The following SDK1 variants were observed in gnomAD, a reference collection of about 807,000 sequenced individuals.
The protein encoded by SDK1 is sidekick cell adhesion molecule 1.
Under a neutral mutation model 245.5 loss-of-function variants are expected in SDK1, and 157 were observed. That is an observed-to-expected ratio of 0.64 (90% CI 0.56 to 0.73). The LOEUF (loss-of-function observed/expected upper bound fraction) is 0.73. Ranked by LOEUF, SDK1 falls within the 30% of genes least tolerant of loss-of-function variation. The probability of loss-of-function intolerance (pLI) is 0.00; values close to 1 mark genes in which losing one functional copy is unlikely to be tolerated. For missense variants in SDK1, 3,583 were observed against 3,002.3 expected (o/e 1.19, Z -4.52); for synonymous variants, 1,647 against 1,278.5 (o/e 1.29, Z -6.15).
chr7:3,671,115 A>G (rs1783689342), intron 4 of SDK1, among the ~76,000 whole-genome samples: 1 of 152,090 alleles, frequency 6.6e-6, no homozygotes, highest in Admixed American at 6.6e-5. Context: ...CTTACCCCTG[A>G]GTTTTCAGCA....
intron 4 of SDK1, among the ~76,000 whole-genome samples, chr7:3,741,136 C>A (rs1236928464): frequency 6.6e-6 from 1 of 152,192 alleles, no homozygotes; most frequent in Non-Finnish European, 1.5e-5. Flanking sequence ...CTCCTGTATA[C>A]CAAGTGGATG....
intron 30 of SDK1, among the ~76,000 whole-genome samples, chr7:4,153,873 G>T (rs1490165399): frequency 2.0e-5 from 3 of 151,248 alleles, no homozygotes; most frequent in South Asian, 2.1e-4. Context: ...TAGAAATGGG[G>T]TCTCACTATG....
intron 4 of SDK1, among the ~76,000 whole-genome samples, chr7:3,649,473 G>A (rs2128655262): frequency 6.6e-6 from 1 of 151,970 alleles, no homozygotes; most frequent in South Asian, 2.1e-4. Context: ...CTGCAGGCTA[G>A]ATGACCTGCT....
At chr7:4,208,312 G>A (rs1438641663) in intron 37 of SDK1, 27 bp downstream of exon 37, 1 of 1,603,132 alleles carries the variant, frequency 6.2e-7, no homozygotes, top group Admixed American at 1.7e-5. Flanking sequence ...TTTCCTTTGG[G>A]CAGGCCTCCT....
chr7:3,607,133 A>G (rs1781450159), intron 1 of SDK1, among the ~76,000 whole-genome samples: 1 of 151,944 alleles, frequency 6.6e-6, no homozygotes, highest in African/African-American at 2.4e-5. Flanking sequence ...CACTACCTGC[A>G]CTACACAAAG....
intron 4 of SDK1, among the ~76,000 whole-genome samples, chr7:3,642,477 G>T (rs975752996): frequency 1.2e-4 from 18 of 152,116 alleles, no homozygotes; most frequent in African/African-American, 4.1e-4. Flanking sequence ...TTACAGTGCT[G>T]TGGGGTTTTT....
At chr7:4,203,605 A>G (rs530515201) in intron 35 of SDK1, among the ~76,000 whole-genome samples, 1 of 152,182 alleles carries the variant, frequency 6.6e-6, no homozygotes, top group African/African-American at 2.4e-5. Flanking sequence ...GAAAACAAAA[A>G]ACGAACGACA....
intron 39 of SDK1, 77 bp downstream of exon 39, chr7:4,220,347 C>T: frequency 6.7e-7 from 1 of 1,481,484 alleles, no homozygotes; most frequent in South Asian, 1.2e-5. Context: ...AGCTGAGATC[C>T]ATCTACATGG....
intron 4 of SDK1, among the ~76,000 whole-genome samples, chr7:3,682,167 C>G (rs1218081852): frequency 1.3e-5 from 2 of 152,170 alleles, no homozygotes; most frequent in Non-Finnish European, 1.5e-5. Flanking sequence ...CCTCTCTCTA[C>G]CACTCTGTGA....
At chr7:4,217,461 ACACCACC>A in intron 38 of SDK1, among the ~76,000 whole-genome samples, 2 of 113,176 alleles carry the variant, frequency 1.8e-5, no homozygotes, top group African/African-American at 3.6e-5. Flanking sequence ...CCGGAGCACC[ACACCACC>A]CGGAGCACCA....
chr7:4,165,956 C>T (rs570757198), intron 32 of SDK1, among the ~76,000 whole-genome samples: 33 of 152,134 alleles, frequency 2.2e-4, no homozygotes, highest in African/African-American at 7.7e-4. Flanking sequence ...TTGGCTACTT[C>T]TTCAAAAAAT....
chr7:3,449,542 A>T (rs1238726660), intron 1 of SDK1, among the ~76,000 whole-genome samples: 1 of 152,218 alleles, frequency 6.6e-6, no homozygotes. Flanking sequence ...TCATCTTTAT[A>T]ATTAGAAGTA....
At chr7:4,179,850 C>T (rs1488835117) in intron 35 of SDK1, among the ~76,000 whole-genome samples, 1 of 151,816 alleles carries the variant, frequency 6.6e-6, no homozygotes, top group South Asian at 2.1e-4. Context: ...AGTTGGCCCC[C>T]ATGGCTGGGG....
intron 4 of SDK1, among the ~76,000 whole-genome samples, chr7:3,727,270 A>G (rs1779038653): frequency 6.6e-6 from 1 of 152,208 alleles, no homozygotes; most frequent in South Asian, 2.1e-4. Flanking sequence ...TGTTGATTTA[A>G]TCAGAGTTCT....
At chr7:3,586,939 G>T (rs114407930) in intron 1 of SDK1, among the ~76,000 whole-genome samples, 4,586 of 152,166 alleles carry the variant, frequency 0.03, 221 homozygotes, top group African/African-American at 0.098. Flanking sequence ...TTTGGTAAGC[G>T]TTGAGAGTGC....
At chr7:3,599,184 A>G (rs947449285) in intron 1 of SDK1, among the ~76,000 whole-genome samples, 2 of 141,718 alleles carry the variant, frequency 1.4e-5, no homozygotes, top group Non-Finnish European at 3.0e-5. Flanking sequence ...GTGCAGTGAT[A>G]TCTCATGGTG....
intron 12 of SDK1, among the ~76,000 whole-genome samples, chr7:3,972,079 C>CTT (rs10707387): frequency 1.0e-3 from 124 of 123,314 alleles, no homozygotes; most frequent in East Asian, 3.6e-3. Context: ...TGAGGGTTCT[C>CTT]TTTTTTTTTT....
intron 38 of SDK1, among the ~76,000 whole-genome samples, chr7:4,211,753 G>A (rs1784525115): frequency 6.6e-6 from 1 of 152,166 alleles, no homozygotes; most frequent in Admixed American, 6.5e-5. Flanking sequence ...GGGACTACAG[G>A]CGCCCACCAC....
chr7:3,339,465 C>G (rs1780288162), intron 1 of SDK1, among the ~76,000 whole-genome samples: 1 of 151,958 alleles, frequency 6.6e-6, no homozygotes, highest in East Asian at 1.9e-4. Context: ...AACAATTTAC[C>G]CGAAACAATA....
Sources: gnomAD v4.1 joint callset for allele counts (sites outside exome capture counted in the v4.1 genomes callset) on GRCh38, gnomAD v4.1.1 for gene constraint, MANE v1.5 for transcripts, NCBI Gene and HGNC (gene_info 2026-07-23, HGNC 2026-07-21) for gene names.